The following APP variants were observed in gnomAD, a reference collection of about 807,000 sequenced individuals.
The protein encoded by APP is amyloid-beta precursor protein.
Under a neutral mutation model 101.4 loss-of-function variants are expected in APP, and 31 were observed. The ratio of observed to expected loss-of-function variants is 0.31; its 90% CI spans 0.23 to 0.41. The LOEUF (loss-of-function observed/expected upper bound fraction) is 0.41. APP is among the 10% of genes least tolerant of loss of function. The pLI is 1.00. For missense variants in APP, 839 were observed against 1,003.7 expected, an observed-to-expected ratio of 0.84 and a Z score of 2.22; for synonymous variants, 366 against 364.4, an observed-to-expected ratio of 1.00 and a Z score of -0.05.
chr21:26,159,085 A>C (rs2063432264), intron 1 of APP, among the ~76,000 whole-genome samples: 6 of 150,774 alleles, frequency 4.0e-5, no homozygotes, highest in Admixed American at 2.6e-4. Context: ...TAAGATAGTA[A>C]ATTTTTTTTT....
rs568780560 is a variant in APP at position 26,118,605 on chromosome 21, T to C, written c.58-6459A>G. Among the ~76,000 whole-genome samples, 155 of 152,294 alleles carry C rather than the reference T, an allele frequency of 1.0e-3. 1 individual carries two copies. Among genetic ancestry groups the C allele is most frequent in the Non-Finnish European group, 1.6e-3 (107 of 68,008 alleles). Reference sequence around the variant, plus strand: ...TCTTGCTCAGTCGCCCAGGCTGGAGTGCAGCGGGGTGATCTCGGCTCACCG... The same window carrying C: ...TCTTGCTCAGTCGCCCAGGCTGGAGCGCAGCGGGGTGATCTCGGCTCACCG... On this transcript the variant is annotated intron_variant, in intron 1 of 17. Coordinates refer to ENST00000346798, the MANE Select transcript of APP (RefSeq NM_000484.4).
intron 5 of APP, among the ~76,000 whole-genome samples, chr21:26,046,996 T>C (rs1179288692): frequency 6.6e-6 from 1 of 152,242 alleles, no homozygotes; most frequent in Non-Finnish European, 1.5e-5. Flanking sequence ...GTCTGGATTA[T>C]GCTACATTAC....
chr21:25,916,614 G>A (rs1330251622), intron 13 of APP, among the ~76,000 whole-genome samples: 1 of 152,110 alleles, frequency 6.6e-6, no homozygotes, highest in Non-Finnish European at 1.5e-5. Flanking sequence ...CCTTTTATCT[G>A]AATTAATTTA....
intron 5 of APP, among the ~76,000 whole-genome samples, chr21:26,045,822 C>T (rs1317589248): frequency 2.6e-5 from 4 of 152,148 alleles, no homozygotes; most frequent in Admixed American, 6.5e-5. Context: ...CAAGCCACCC[C>T]GAGCTGTATT....
At chr21:26,122,168 G>A (rs865888437) in intron 1 of APP, among the ~76,000 whole-genome samples, 6 of 152,280 alleles carry the variant, frequency 3.9e-5, no homozygotes, top group African/African-American at 7.2e-5. Flanking sequence ...GCTTTCAGGC[G>A]TCAGGCCATT....
At chr21:26,035,175 G>A (rs957544613) in intron 5 of APP, among the ~76,000 whole-genome samples, 3 of 152,042 alleles carry the variant, frequency 2.0e-5, no homozygotes, top group Non-Finnish European at 2.9e-5. Flanking sequence ...AGCTACTCAG[G>A]AGGATCTCCA....
At chr21:26,072,552 T>C (rs532069521) in intron 3 of APP, among the ~76,000 whole-genome samples, 2 of 152,342 alleles carry the variant, frequency 1.3e-5, no homozygotes, top group Admixed American at 6.5e-5. Context: ...CATCTTTAAA[T>C]TGTTAAAAAT....
Position 26,000,047 on chromosome 21 carries a change from T to C in APP, c.1001A>G (p.Glu334Gly), listed in dbSNP as rs2043223800. 3 of 1,614,000 alleles carry C rather than the reference T, an allele frequency of 1.9e-6. No homozygotes were observed. The highest frequency in any genetic ancestry group is 1.7e-5 in the Admixed American group (1 of 60,008). ...GCCACACACGGCCATGCAGTACTCT[T>C]CTGTGTCAAAGTTGTTCCGGTTGCC... Reference protein sequence around the residue: ...CGGNRNNFDTEEYCMAVCGSA... With the variant: ...CGGNRNNFDTGEYCMAVCGSA... Residue 334 changes from glutamate (E) to glycine (G), a missense_variant, in exon 7 of 18, where the codon GAA becomes GGA. Physicochemically the swap from Glu to Gly is moderately conservative, Grantham distance 98. Transcript: ENST00000346798.
intron 1 of APP, chr21:26,140,150 T>G (rs747197082): frequency 6.5e-7 from 1 of 1,529,672 alleles, no homozygotes; most frequent in East Asian, 2.4e-5. Flanking sequence ...AGTACTCACT[T>G]ACATAGTTGA....
intron 5 of APP, 94 bp downstream of exon 5, chr21:26,050,906 T>A: frequency 1.3e-6 from 2 of 1,494,946 alleles, no homozygotes; most frequent in Non-Finnish European, 1.8e-6. Flanking sequence ...CAGAGACCTT[T>A]TCAGTGATAA....
chr21:26,106,366 T>C (rs2062182740), intron 2 of APP, among the ~76,000 whole-genome samples: 1 of 152,164 alleles, frequency 6.6e-6, no homozygotes, highest in African/African-American at 2.4e-5. Context: ...ATATTCTCCA[T>C]ATATAAAATA....
At chr21:25,891,994 G>T in intron 16 of APP, 126 bp from the exon 17 acceptor site, 22 of 820,254 alleles carry the variant, frequency 2.7e-5, no homozygotes, top group East Asian at 3.9e-5. Flanking sequence ...TATATAAAAA[G>T]TTTCAGTATA....
chr21:26,160,646 G>A (rs1344843772), intron 1 of APP, among the ~76,000 whole-genome samples: 1 of 151,854 alleles, frequency 6.6e-6, no homozygotes, highest in Admixed American at 6.6e-5. Flanking sequence ...AACACTAGCT[G>A]TAAAATGGCC....
rs189655313 is a variant in APP, at chr21:25,909,674, G to A, written c.1909+2067C>T. Among the ~76,000 whole-genome samples the A allele has an allele frequency of 9.2e-5, 14 of 152,258 alleles. No homozygotes were observed. In the East Asian group the frequency reaches 2.5e-3, roughly 27 times the overall value. ...CTGTTAGTAAAAGAGCAAATTTAGC[G>A]TGCATTCAATTTACAAAATGAGATC... On this transcript the variant is annotated intron_variant, in intron 14 of 17. Transcript: ENST00000346798.
rs201838604 is a variant in APP, at chr21:25,880,567, A to C, written c.*1103T>G. The C allele has an allele frequency of 1.3e-5, 2 of 152,216 alleles. No homozygotes were observed. Among genetic ancestry groups the C allele is most frequent in the Non-Finnish European group, 2.9e-5 (2 of 68,050 alleles). 9.4% of individuals were successfully genotyped at this position (152,216 alleles called of 1,614,324 possible). ...CACAATGGTGCTCCTCCAAGAATGT[A>C]TTTATTTACATGAAAACACCATTTT... On this transcript the variant is annotated 3_prime_UTR_variant, in exon 18 of 18. Transcript: ENST00000346798.
chr21:26,036,629 T>C (rs938992106), intron 5 of APP, among the ~76,000 whole-genome samples: 1 of 152,150 alleles, frequency 6.6e-6, no homozygotes, highest in African/African-American at 2.4e-5. Flanking sequence ...TAGCCAAAGA[T>C]TGCAGATGTC....
intron 3 of APP, among the ~76,000 whole-genome samples, chr21:26,086,942 T>G (rs532919604): frequency 1.6e-3 from 249 of 152,318 alleles, no homozygotes; most frequent in African/African-American, 5.8e-3. Context: ...AAATTCAACC[T>G]CTCTGGATCT....
In APP at chr21:26,113,160, C is replaced by G. The variant is rs45568033; in HGVS notation, c.58-1014G>C. 3.5e-3 allele frequency among the ~76,000 whole-genome samples: 540 copies of G among 152,304 alleles called. 3 individuals are homozygous for G. The highest frequency in any genetic ancestry group is 0.012 in the African/African-American group (515 of 41,560). Reference sequence around the variant, plus strand: ...AGGCATATTAATCATGATAGGCCCTCCCTTGTCAAATCCAGCTGCTGGGGA... The same window carrying G: ...AGGCATATTAATCATGATAGGCCCTGCCTTGTCAAATCCAGCTGCTGGGGA... On this transcript the variant is annotated intron_variant, in intron 1 of 17. Transcript: ENST00000346798.
chr21:26,150,908 T>C (rs1395683256), intron 1 of APP, among the ~76,000 whole-genome samples: 3 of 152,228 alleles, frequency 2.0e-5, no homozygotes, highest in Non-Finnish European at 2.9e-5. Context: ...ATTGTATTTT[T>C]TTAAAGTAAA....
Sources: gnomAD v4.1 joint callset for allele counts (sites outside exome capture counted in the v4.1 genomes callset) on GRCh38, gnomAD v4.1.1 for gene constraint, MANE v1.5 for transcripts, NCBI Gene and HGNC (gene_info 2026-07-23, HGNC 2026-07-21) for gene names.